The following GOLM2 variants were observed in gnomAD, a reference collection of about 807,000 sequenced individuals.
The protein encoded by GOLM2 is protein GOLM2.
Under a neutral mutation model 55.9 loss-of-function variants are expected in GOLM2, and 26 were observed. The observed-to-expected ratio is 0.47, with a 90% confidence interval of 0.34 to 0.65. The LOEUF (loss-of-function observed/expected upper bound fraction) is 0.65, where lower values mean the gene tolerates loss of function less well. Ranked by LOEUF, GOLM2 falls within the 30% of genes least tolerant of loss-of-function variation. The pLI, the probability that GOLM2 is intolerant of heterozygous loss-of-function variation, is 0.01. For missense variants in GOLM2, 486 were observed against 531.8 expected (o/e 0.91, Z 0.85); for synonymous variants, 165 against 194.6 (o/e 0.85, Z 1.27).
chr15:44,337,844 G>C lies in GOLM2; in HGVS notation c.658G>C (p.Val220Leu). 6.2e-7 allele frequency: 1 copy of C among 1,604,886 alleles called. No individual in the cohort carries two copies. The highest frequency in any genetic ancestry group is 8.5e-7 in the Non-Finnish European group (1 of 1,177,536). ...NQVVPKNIPK[V>L]AENVADKNEE... Reference sequence around the variant, plus strand: ...AGTAGTACCTAAAAATATTCCAAAAGTAGCTGAGAATGTTGCAGATAAGAA... The same window carrying C: ...AGTAGTACCTAAAAATATTCCAAAACTAGCTGAGAATGTTGCAGATAAGAA... Residue 220 changes from valine (V) to leucine (L), a missense_variant, in exon 5 of 10, where the codon GTA becomes CTA. Val to Leu is a conservative substitution (Grantham distance 32, BLOSUM62 1). Transcript: ENST00000299957.
intron 6 of GOLM2, among the ~76,000 whole-genome samples, chr15:44,368,396 C>A (rs2079301082): frequency 6.6e-6 from 1 of 151,188 alleles, no homozygotes; most frequent in East Asian, 1.9e-4. Flanking sequence ...AAGTGAGCCA[C>A]CATGCTCGGC....
At chr15:44,378,692 T>A (rs2079381316) in intron 6 of GOLM2, among the ~76,000 whole-genome samples, 1 of 152,182 alleles carries the variant, frequency 6.6e-6, no homozygotes, top group African/African-American at 2.4e-5. Context: ...TTTTTATTTG[T>A]GCTATGCATA....
chr15:44,362,213 G>A (rs1449304518), intron 6 of GOLM2, among the ~76,000 whole-genome samples: 1 of 151,298 alleles, frequency 6.6e-6, no homozygotes, highest in Non-Finnish European at 1.5e-5. Context: ...GCAGGAGAAG[G>A]AAATAAAGGG....
At chr15:44,316,330 TA>T (rs535332462) in intron 1 of GOLM2, among the ~76,000 whole-genome samples, 2 of 151,426 alleles carry the variant, frequency 1.3e-5, no homozygotes, top group East Asian at 1.9e-4. Context: ...ACTCCATCTC[TA>T]AAAAAAATGA....
At chr15:44,351,446 G>A (rs916597244) in intron 6 of GOLM2, among the ~76,000 whole-genome samples, 10 of 151,484 alleles carry the variant, frequency 6.6e-5, no homozygotes, top group South Asian at 2.1e-4. Flanking sequence ...GCGTGGTGGC[G>A]GGTGCCTATA....
intron 6 of GOLM2, among the ~76,000 whole-genome samples, chr15:44,360,139 A>G (rs559648753): frequency 6.6e-6 from 1 of 152,364 alleles, no homozygotes; most frequent in African/African-American, 2.4e-5. Flanking sequence ...AAGAAACTGC[A>G]TCAACTAACG....
chr15:44,310,331 C>G (rs1234334689), intron 1 of GOLM2, among the ~76,000 whole-genome samples: 1 of 151,792 alleles, frequency 6.6e-6, no homozygotes, highest in Non-Finnish European at 1.5e-5. Flanking sequence ...AGGGTACTCA[C>G]AAGAGAACCA....
At chr15:44,375,744 G>A (rs1056528073) in intron 6 of GOLM2, among the ~76,000 whole-genome samples, 9 of 152,136 alleles carry the variant, frequency 5.9e-5, no homozygotes, top group Admixed American at 5.9e-4. Context: ...TCACACTGGT[G>A]CACTCCAGCC....
intron 1 of GOLM2, among the ~76,000 whole-genome samples, chr15:44,318,340 T>G (rs2078925633): frequency 6.6e-6 from 1 of 152,242 alleles, no homozygotes; most frequent in African/African-American, 2.4e-5. Context: ...ATGGCAGTAG[T>G]ACTTGGTCTC....
Position 44,299,592 on chromosome 15 carries a change from G to C in GOLM2, c.327+10236G>C, listed in dbSNP as rs990972011. 1.8e-4 allele frequency among the ~76,000 whole-genome samples: 27 copies of C among 152,012 alleles called. 1 individual carries two copies. The highest frequency in any genetic ancestry group is 6.3e-4 in the African/African-American group (26 of 41,384). On this transcript the variant is annotated intron_variant, in intron 1 of 9. Coordinates refer to ENST00000299957, the MANE Select transcript of GOLM2 (RefSeq NM_138423.4). The stretch of plus-strand genomic sequence containing the variant: ...ACTACTCTTATATAATATATACTGT[G>C]TGGCAGTATGGTTCACTGGAAAGAA...
chr15:44,289,121 A>G lies in GOLM2; in HGVS notation c.92A>G (p.Asn31Ser), dbSNP rs1256170130. 6.2e-7 allele frequency: 1 copy of G among 1,614,006 alleles called. No individual in the cohort carries two copies. Among genetic ancestry groups the G allele is most frequent in the Non-Finnish European group, 8.5e-7 (1 of 1,180,018 alleles). ...LLVVIVVLAF[N>S]YWSISSRHVL... ...GTGGTGATCGTCGTCCTCGCCTTCA[A>G]CTACTGGAGCATCTCCTCCCGCCAC... is the stretch of plus-strand genomic sequence containing the variant. Residue 31 changes from asparagine (N) to serine (S), a missense_variant, in exon 1 of 10, where the codon AAC becomes AGC. Coordinates refer to ENST00000299957, the MANE Select transcript of GOLM2 (RefSeq NM_138423.4). This position sits in a 1 kb window ranked among gnomAD's most constrained non-coding sequence, Gnocchi z 4.8.
chr15:44,289,874 T>C lies in GOLM2; in HGVS notation c.327+518T>C, dbSNP rs2078708005. ...GGTGATGTATTGAATAACTAAATAA[T>C]CAGCTATGACTGCCTTTTTGTGATC... On this transcript the variant is annotated intron_variant, in intron 1 of 9. Transcript: ENST00000299957. This position sits in a 1 kb window ranked among gnomAD's most constrained non-coding sequence, Gnocchi z 4.8. Among the ~76,000 whole-genome samples the C allele has an allele frequency of 6.6e-6, 1 of 152,210 alleles. No individual in the cohort carries two copies. Among genetic ancestry groups the C allele is most frequent in the Non-Finnish European group, 1.5e-5 (1 of 68,034 alleles).
chr15:44,289,323 A>G lies in GOLM2; in HGVS notation c.294A>G (p.Arg98=). Residue 98 remains arginine, a synonymous_variant, in exon 1 of 10, where the codon AGA becomes AGG. Transcript: ENST00000299957. This position sits in a 1 kb window ranked among gnomAD's most constrained non-coding sequence, Gnocchi z 4.8. ...GCCTCAGCAGCCGGCTGCAGGCCAGAGAGGGCCTCGGGAAGAGATGCGAGG... is the reference window on the plus strand; with the variant it reads ...GCCTCAGCAGCCGGCTGCAGGCCAGGGAGGGCCTCGGGAAGAGATGCGAGG... ...YGRLSSRLQA[R]EGLGKRCEDD... 3.1e-6 allele frequency: 5 copies of G among 1,613,476 alleles called. No individual in the cohort carries two copies. The highest frequency in any genetic ancestry group is 4.2e-6 in the Non-Finnish European group (5 of 1,179,818).
chr15:44,368,088 C>T (rs1201424070), intron 6 of GOLM2, among the ~76,000 whole-genome samples: 2 of 151,736 alleles, frequency 1.3e-5, no homozygotes, highest in Non-Finnish European at 2.9e-5. Flanking sequence ...TTTTACAATG[C>T]TATCTTTTTT....
intron 9 of GOLM2, among the ~76,000 whole-genome samples, chr15:44,408,455 AT>A (rs1395697376): frequency 4.6e-5 from 7 of 152,222 alleles, no homozygotes; most frequent in Admixed American, 3.9e-4. Context: ...TAACAAAAAA[AT>A]ACTTCATATT....
At chr15:44,393,989 G>C (rs1048566454) in intron 8 of GOLM2, among the ~76,000 whole-genome samples, 1 of 152,126 alleles carries the variant, frequency 6.6e-6, no homozygotes, top group Non-Finnish European at 1.5e-5. Context: ...CACCGTGCCC[G>C]ACCTACTGTG....
chr15:44,382,478 C>T (rs763065152), intron 8 of GOLM2, among the ~76,000 whole-genome samples: 44 of 152,070 alleles, frequency 2.9e-4, no homozygotes, highest in Non-Finnish European at 6.0e-4. Flanking sequence ...AGGTCCACAT[C>T]ACCATGCCTG....
At chr15:44,367,403 C>A (rs1292922175) in intron 6 of GOLM2, among the ~76,000 whole-genome samples, 1 of 152,124 alleles carries the variant, frequency 6.6e-6, no homozygotes, top group Admixed American at 6.6e-5. Flanking sequence ...CAACTTTTAT[C>A]TGAAAGTATC....
intron 1 of GOLM2, among the ~76,000 whole-genome samples, chr15:44,300,548 A>G (rs1416821715): frequency 6.6e-6 from 1 of 152,248 alleles, no homozygotes; most frequent in Non-Finnish European, 1.5e-5. Flanking sequence ...TTGTGCAGAA[A>G]AAAGGTAAAA....
Sources: allele counts gnomAD v4.1 joint callset (sites outside exome capture counted in the v4.1 genomes callset), GRCh38; gene constraint gnomAD v4.1.1; non-coding constraint Gnocchi (gnomAD v3.1); transcripts MANE v1.5; gene names NCBI Gene and HGNC (gene_info 2026-07-23, HGNC 2026-07-21).